MED23: variants seen among roughly 807,000 people sequenced by gnomAD.
The protein encoded by MED23 is mediator of RNA polymerase II transcription subunit 23.
Under a neutral mutation model 163.9 loss-of-function variants are expected in MED23, and 105 were observed. The ratio of observed to expected loss-of-function variants is 0.64; its 90% CI spans 0.55 to 0.75. The LOEUF is 0.75. Ranked by LOEUF, MED23 falls within the 30% of genes least tolerant of loss-of-function variation. The pLI is 0.00. For synonymous variants in MED23, 561 were observed against 565.6 expected, an observed-to-expected ratio of 0.99 and a Z score of 0.12; for missense variants, 1,054 against 1,649.0, an observed-to-expected ratio of 0.64 and a Z score of 6.25.
chr6:131,578,965 A>G, intron 30 of MED23: 1 of 894,756 alleles, frequency 1.1e-6, no homozygotes, highest in Non-Finnish European at 1.7e-6. Context: ...ACATGGGTCT[A>G]CCTTCCCAAG....
chr6:131,582,637 G>T (rs201484132), downstream of MED23: 1 of 1,613,664 alleles, frequency 6.2e-7, no homozygotes, highest in African/African-American at 1.3e-5. Context: ...GATGTGCCAG[G>T]ATTCTCCTGG....
chr6:131,613,988 C>T (rs1776468407), intron 10 of MED23, among the ~76,000 whole-genome samples: 2 of 152,134 alleles, frequency 1.3e-5, no homozygotes, highest in South Asian at 4.2e-4. Context: ...AAAATTGAGT[C>T]CAGTATGACT....
intron 1 of MED23, 51 bp downstream of exon 1, chr6:131,627,960 C>A (rs376349834): frequency 1.9e-6 from 3 of 1,612,332 alleles, no homozygotes; most frequent in Non-Finnish European, 2.5e-6. Context: ...GCTGCCCCCG[C>A]GTCTCCCCGT....
At position 131,579,139 on chromosome 6, in the gene MED23, G is replaced by T; in HGVS notation, c.4096-4844C>A. 9 of 1,614,164 alleles carry T rather than the reference G, an allele frequency of 5.6e-6. No individual in the cohort carries two copies. Among genetic ancestry groups the T allele is most frequent in the Non-Finnish European group, 7.6e-6 (9 of 1,180,018 alleles). ...GTGATGTGAAGGATTATGGGGACCT[G>T]CCCTTTGCTGACATCCCTAATGACA... On this transcript the variant is annotated intron_variant, in intron 30 of 30. Coordinates refer to the MED23 transcript ENST00000354577.
chr6:131,603,273 T>C, intron 15 of MED23, 69 bp from the exon 16 acceptor site: 1 of 1,411,190 alleles, frequency 7.1e-7, no homozygotes, highest in East Asian at 2.3e-5. Flanking sequence ...TTGAAGAAAG[T>C]CACATTGAGT....
chr6:131,606,287 AC>A lies in MED23; in HGVS notation c.1367+191del, dbSNP rs1436016505. On this transcript the variant is annotated intron_variant, in intron 13 of 28. Transcript: ENST00000368068. ...AAATCTATACATATAAGCAAGACTA[AC>A]CTTGTAGCTGTTTCCTGATATAGGT... Among the ~76,000 whole-genome samples the A allele has an allele frequency of 2.0e-5, 3 of 152,098 alleles. No individual in the cohort carries two copies. In the East Asian group the frequency reaches 5.8e-4, roughly 29 times the overall value.
chr6:131,595,913 G>A, intron 22 of MED23, 34 bp downstream of exon 22: 1 of 1,485,838 alleles, frequency 6.7e-7, no homozygotes, highest in Non-Finnish European at 9.4e-7. Context: ...GATAATGGAG[G>A]TATTAGACGA....
chr6:131,610,305 AC>A (rs1302718525), intron 10 of MED23, 59 bp from the exon 11 acceptor site: 7 of 1,513,086 alleles, frequency 4.6e-6, no homozygotes, highest in Non-Finnish European at 6.4e-6. Context: ...TTCAGAAGTT[AC>A]CAGTTAATGG....
intron 25 of MED23, among the ~76,000 whole-genome samples, chr6:131,592,176 A>G (rs1261069194): frequency 1.3e-5 from 2 of 152,218 alleles, no homozygotes; most frequent in Admixed American, 6.5e-5. Flanking sequence ...AGTCACATAG[A>G]TATATTTAGA....
At chr6:131,619,137 CAT>C (rs1776902234) in intron 8 of MED23, among the ~76,000 whole-genome samples, 1 of 152,190 alleles carries the variant, frequency 6.6e-6, no homozygotes, top group Non-Finnish European at 1.5e-5. Flanking sequence ...TAATTCACTA[CAT>C]GATATCAATA....
rs763804574 is a variant in MED23, at chr6:131,618,461, T to C, written c.726A>G (p.Lys242=). Residue 242 remains lysine, a synonymous_variant, in exon 9 of 29, where the codon AAA becomes AAG. Transcript: ENST00000368068. ...NNSGAICNSW[K]LDPATLRFPL... ...GAAAACGAAGAGTAGCAGGATCCAG[T>C]TTCCATGAATTACAAATGGCACCCG... The C allele has an allele frequency of 2.2e-5, 36 of 1,613,936 alleles. No individual in the cohort carries two copies. The highest frequency in any genetic ancestry group is 3.1e-5 in the Non-Finnish European group (36 of 1,179,980).
chr6:131,575,814 A>C (rs1454241985), intron 30 of MED23, among the ~76,000 whole-genome samples: 1 of 152,178 alleles, frequency 6.6e-6, no homozygotes, highest in Non-Finnish European at 1.5e-5. Context: ...TAGTTTCCCT[A>C]ATGTCAAAAC....
Position 131,587,594 on chromosome 6 carries a change from A to G in MED23, c.*85T>C. On this transcript the variant is annotated 3_prime_UTR_variant, in exon 29 of 29. Coordinates refer to ENST00000368068, the MANE Select transcript of MED23 (RefSeq NM_004830.4). Reference sequence around the variant, plus strand: ...ATCACTGCTTCTACTATATCACTACAGTGTGATCGCATTCAGATTTAAAAG... The same window carrying G: ...ATCACTGCTTCTACTATATCACTACGGTGTGATCGCATTCAGATTTAAAAG... The G allele has an allele frequency of 6.2e-7, 1 of 1,600,086 alleles. No individual in the cohort carries two copies. Among genetic ancestry groups the G allele is most frequent in the Non-Finnish European group, 8.5e-7 (1 of 1,172,608 alleles).
chr6:131,578,989 T>C, intron 30 of MED23: 1 of 1,149,282 alleles, frequency 8.7e-7, no homozygotes, highest in Non-Finnish European at 1.2e-6. Context: ...TACAGACCTT[T>C]CAGGTTTTTC....
Position 131,604,266 on chromosome 6 carries a change from A to C in MED23, c.1668T>G (p.Ser556Arg). ...RVIKLAHAKS[S>R]VALAPALVET... The stretch of plus-strand genomic sequence containing the variant: ...CCACTAGGGCTGGAGCCAAGGCCAC[A>C]CTGGACTTTGCATGAGCAAGTTTTA... The change falls in exon 15 of 29, where the codon AGT (serine) becomes AGG (arginine). Residue 556 changes from serine to arginine, a missense_variant. Ser to Arg is a moderately radical substitution (Grantham distance 110, BLOSUM62 -1). This residue lies in a region of MED23 where 54 missense variants were observed against 89.8 expected (regional missense o/e 0.60). Transcript: ENST00000368068. The C allele has an allele frequency of 1.9e-6, 3 of 1,613,906 alleles. No homozygotes were observed. The highest frequency in any genetic ancestry group is 2.5e-6 in the Non-Finnish European group (3 of 1,179,820).
At position 131,627,492 on chromosome 6, in the gene MED23, A is replaced by G; in HGVS notation, c.72-9T>C. 2 of 1,610,600 alleles carry G rather than the reference A, an allele frequency of 1.2e-6. No homozygotes were observed. Among genetic ancestry groups the G allele is most frequent in the Non-Finnish European group, 1.7e-6 (2 of 1,176,908 alleles). The stretch of plus-strand genomic sequence containing the variant: ...GAGTATCCATAAACATGCTAAAAAA[A>G]TAAAAATTACATTATTTGTCATTCG... On this transcript the variant is annotated splice_polypyrimidine_tract_variant and intron_variant, in intron 2 of 28. Transcript: ENST00000368068.
chr6:131,620,428 G>A (rs1777009268), intron 7 of MED23, among the ~76,000 whole-genome samples, 200 bp downstream of exon 7: 1 of 152,024 alleles, frequency 6.6e-6, no homozygotes, highest in South Asian at 2.1e-4. Context: ...TGGGGCTATA[G>A]GCATGTGCTA....
Position 131,598,856 on chromosome 6 carries a change from T to C in MED23, c.2221-95A>G. 8.5e-7 allele frequency: 1 copy of C among 1,179,908 alleles called. No homozygotes were observed. Among genetic ancestry groups the C allele is most frequent in the South Asian group, 1.3e-5 (1 of 78,796 alleles). The allele number at this position is 1,179,908 out of a possible 1,614,324, so 73.1% of individuals were successfully genotyped here. On this transcript the variant is annotated intron_variant, in intron 18 of 28. Transcript: ENST00000368068. This position sits in a 1 kb window ranked among gnomAD's most constrained non-coding sequence, Gnocchi z 4.7. ...CCAGTTCTAGACTTGATTCTGACAC[T>C]AATAAACTCTAGGTCACCTTGAGCA...
In MED23 at chr6:131,593,152, A is replaced by G; in HGVS notation, c.3252T>C (p.Pro1084=). 1.2e-6 allele frequency: 2 copies of G among 1,614,114 alleles called. No individual in the cohort carries two copies. The highest frequency in any genetic ancestry group is 1.7e-6 in the Non-Finnish European group (2 of 1,179,958). ...RLVDTMAGKS[P]GPFPNCDWRF... The stretch of plus-strand genomic sequence containing the variant: ...TCCAGTCACAGTTTGGAAAGGGACC[A>G]GGAGATTTGCCAGCCATCGGTGCAC... The change falls in exon 24 of 29, where the codon CCT becomes CCC. Residue 1084 remains proline (P), a synonymous_variant. Transcript: ENST00000368068.
Sources: allele counts gnomAD v4.1 joint callset (sites outside exome capture counted in the v4.1 genomes callset), GRCh38; gene constraint gnomAD v4.1.1; regional missense constraint gnomAD v4.1.1; non-coding constraint Gnocchi (gnomAD v3.1); transcripts MANE v1.5; gene names NCBI Gene and HGNC (gene_info 2026-07-23, HGNC 2026-07-21).